Variants in LRP1B observed in about 807,000 individuals in gnomAD.
The protein encoded by LRP1B is LDL receptor related protein 1B.
Under a neutral mutation model 556.6 loss-of-function variants are expected in LRP1B, and 217 were observed. The observed-to-expected ratio is 0.39, with a 90% CI of 0.35 to 0.44. The LOEUF is 0.44. Among genes scored for constraint, LRP1B ranks in the 20% least tolerant of loss-of-function variants. LRP1B has a pLI of 1.00. For missense variants in LRP1B, 5,053 were observed against 5,620.8 expected, an observed-to-expected ratio of 0.90 and a Z score of 3.23; for synonymous variants, 2,047 against 1,865.8, an observed-to-expected ratio of 1.10 and a Z score of -2.50.
intron 1 of LRP1B, among the ~76,000 whole-genome samples, chr2:141,987,525 C>G (rs192149928): frequency 6.6e-6 from 1 of 150,656 alleles, no homozygotes; most frequent in Admixed American, 6.7e-5. Context: ...TTACAGAAAA[C>G]CGGTTGGGAT....
chr2:140,646,056 A>G (rs977222749), intron 41 of LRP1B, among the ~76,000 whole-genome samples: 1 of 152,122 alleles, frequency 6.6e-6, no homozygotes, highest in Admixed American at 6.5e-5. Context: ...CTGCTATGTA[A>G]TAATTCCTAA....
chr2:140,982,425 G>T, intron 17 of LRP1B, 149 bp from the exon 18 acceptor site: 1 of 569,624 alleles, frequency 1.8e-6, no homozygotes. Context: ...TTTATTTAAG[G>T]CTTCTGAATA....
intron 68 of LRP1B, among the ~76,000 whole-genome samples, chr2:140,377,381 CT>C (rs1683282638): frequency 6.6e-6 from 1 of 152,016 alleles, no homozygotes; most frequent in Non-Finnish European, 1.5e-5. Context: ...GGCTAGAGCT[CT>C]TTTTTCCTTC....
At chr2:140,273,965 GA>G (rs1682568592) in intron 85 of LRP1B, among the ~76,000 whole-genome samples, 1 of 152,008 alleles carries the variant, frequency 6.6e-6, no homozygotes, top group South Asian at 2.1e-4. Context: ...GTCAGATTAA[GA>G]AAAAAGGATT....
chr2:141,312,368 C>G (rs1269323912), intron 3 of LRP1B, among the ~76,000 whole-genome samples: 1 of 152,098 alleles, frequency 6.6e-6, no homozygotes, highest in Non-Finnish European at 1.5e-5. Flanking sequence ...ATAACATTTT[C>G]TTTATCTTAC....
chr2:140,290,941 T>C (rs900693059), intron 84 of LRP1B, among the ~76,000 whole-genome samples: 2 of 152,174 alleles, frequency 1.3e-5, no homozygotes, highest in South Asian at 4.2e-4. Context: ...AAATTGCAGA[T>C]TAGGGAAAAC....
chr2:141,646,483 A>C (rs773848361), intron 2 of LRP1B, among the ~76,000 whole-genome samples: 1 of 152,156 alleles, frequency 6.6e-6, no homozygotes, highest in Non-Finnish European at 1.5e-5. Context: ...GAAAAGAATA[A>C]TACATGTAAA....
chr2:141,190,716 T>G (rs1022464941), intron 6 of LRP1B, among the ~76,000 whole-genome samples: 2 of 151,930 alleles, frequency 1.3e-5, no homozygotes, highest in African/African-American at 4.8e-5. Context: ...AGTCACATTT[T>G]TAACTTTTGA....
intron 1 of LRP1B, among the ~76,000 whole-genome samples, chr2:142,047,890 T>A (rs1206274331): frequency 6.6e-6 from 1 of 152,034 alleles, no homozygotes; most frequent in Non-Finnish European, 1.5e-5. Flanking sequence ...GGATTATGAC[T>A]GGACAATAAA....
chr2:140,606,165 A>T (rs940458906), intron 41 of LRP1B, among the ~76,000 whole-genome samples: 1 of 152,100 alleles, frequency 6.6e-6, no homozygotes, highest in Admixed American at 6.6e-5. Flanking sequence ...ATGTATACTC[A>T]GGATGCAGGT....
intron 1 of LRP1B, among the ~76,000 whole-genome samples, chr2:141,959,342 C>G (rs1330607655): frequency 2.6e-5 from 4 of 151,946 alleles, no homozygotes; most frequent in Non-Finnish European, 4.4e-5. Flanking sequence ...TTGATAGAAT[C>G]TACTCAAATA....
At chr2:141,647,853 A>G (rs2105374561) in intron 2 of LRP1B, among the ~76,000 whole-genome samples, 1 of 152,182 alleles carries the variant, frequency 6.6e-6, no homozygotes, top group Non-Finnish European at 1.5e-5. Context: ...TAATAAAACC[A>G]TCTCAGTTTA....
rs559857603 is a variant in LRP1B, at chr2:141,730,048, C to T, written c.205+80231G>A. On this transcript the variant is annotated intron_variant, in intron 2 of 90. Transcript: ENST00000389484. ...CCCCCCAACAGACACAAAGGCAAAACTGTCTCACGGAACTGTGGGCGAGCA... is the reference window on the plus strand; with the variant it reads ...CCCCCCAACAGACACAAAGGCAAAATTGTCTCACGGAACTGTGGGCGAGCA... 2.0e-5 allele frequency among the ~76,000 whole-genome samples: 3 copies of T among 152,266 alleles called. No homozygotes were observed. The East Asian group carries it at 5.8e-4, about 29-fold the overall frequency.
At chr2:140,396,515 C>A (rs571818218) in intron 66 of LRP1B, among the ~76,000 whole-genome samples, 39 of 152,240 alleles carry the variant, frequency 2.6e-4, no homozygotes, top group African/African-American at 8.2e-4. Flanking sequence ...AATCCTAGTT[C>A]TGGCTCCAAT....
intron 3 of LRP1B, among the ~76,000 whole-genome samples, chr2:141,340,030 CAT>C (rs1178719298): frequency 6.6e-6 from 1 of 152,150 alleles, no homozygotes; most frequent in Admixed American, 6.6e-5. Flanking sequence ...GTGAGAGAGA[CAT>C]AGTTTAACGG....
intron 7 of LRP1B, among the ~76,000 whole-genome samples, chr2:141,070,433 C>T (rs1444428028): frequency 6.6e-6 from 1 of 151,718 alleles, no homozygotes; most frequent in Non-Finnish European, 1.5e-5. Flanking sequence ...CCTAACATCA[C>T]TATTAAAAGA....
intron 3 of LRP1B, among the ~76,000 whole-genome samples, chr2:141,417,600 TTTTC>T (rs1200184341): frequency 6.6e-6 from 1 of 152,164 alleles, no homozygotes; most frequent in African/African-American, 2.4e-5. Context: ...ATAAACCACA[TTTTC>T]TTTCTATGTT....
intron 2 of LRP1B, among the ~76,000 whole-genome samples, chr2:141,496,515 G>A (rs925447162): frequency 6.6e-6 from 1 of 152,010 alleles, no homozygotes; most frequent in East Asian, 1.9e-4. Flanking sequence ...TTGAAATCGA[G>A]CTCCTAAACA....
At chr2:141,285,958 T>C (rs1685703765) in intron 3 of LRP1B, among the ~76,000 whole-genome samples, 2 of 145,462 alleles carry the variant, frequency 1.4e-5, no homozygotes, top group African/African-American at 2.5e-5. Flanking sequence ...TCCCAGCTAC[T>C]TGGGAGGCTG....
Sources: allele counts gnomAD v4.1 joint callset (sites outside exome capture counted in the v4.1 genomes callset), GRCh38; gene constraint gnomAD v4.1.1; transcripts MANE v1.5; gene names NCBI Gene and HGNC (gene_info 2026-07-23, HGNC 2026-07-21).